The following YTHDC1 variants were observed in gnomAD, a reference collection of about 807,000 sequenced individuals.
The protein encoded by YTHDC1 is YTH domain-containing protein 1.
Under a neutral mutation model 107.0 loss-of-function variants are expected in YTHDC1, and 12 were observed. The observed-to-expected ratio is 0.11, with a 90% CI of 0.07 to 0.18. The LOEUF is 0.18. Among genes scored for constraint, YTHDC1 ranks in the 10% least tolerant of loss-of-function variants. The pLI, the probability that YTHDC1 is intolerant of heterozygous loss-of-function variation, is 1.00. For synonymous variants in YTHDC1, 280 were observed against 289.5 expected, an observed-to-expected ratio of 0.97 and a Z score of 0.33; for missense variants, 635 against 898.8, an observed-to-expected ratio of 0.71 and a Z score of 3.75.
At position 68,324,163 on chromosome 4, in the gene YTHDC1, T is replaced by A. The variant is rs575586486; in HGVS notation, c.1410A>T (p.Pro470=). ...CCTGTCCATCACGTCCGATCTTTACTGGTTTATGTTCATTCCAAGGATTGG... is the reference window on the plus strand; with the variant it reads ...CCTGTCCATCACGTCCGATCTTTACAGGTTTATGTTCATTCCAAGGATTGG... ...HLTNPWNEHK[P]VKIGRDGQEI... Residue 470 remains proline (P), a synonymous_variant, in exon 10 of 17, where the codon CCA becomes CCT. Coordinates refer to ENST00000344157, the MANE Select transcript of YTHDC1 (RefSeq NM_001031732.4). 1.2e-6 allele frequency: 2 copies of A among 1,613,938 alleles called. No individual in the cohort carries two copies. Among genetic ancestry groups the A allele is most frequent in the South Asian group, 1.1e-5 (1 of 91,058 alleles).
rs527814805 is a variant in YTHDC1, at chr4:68,313,914, G to C, written c.*185C>G. On this transcript the variant is annotated 3_prime_UTR_variant, in exon 17 of 17. Coordinates refer to ENST00000344157, the MANE Select transcript of YTHDC1 (RefSeq NM_001031732.4). ...CAACTGTCAGCTGTGGATTTTTGGCGGATTTGAGTTTTTCCAGTTCTTATG... is the reference window on the plus strand; with the variant it reads ...CAACTGTCAGCTGTGGATTTTTGGCCGATTTGAGTTTTTCCAGTTCTTATG... The C allele has an allele frequency of 1.5e-6, 1 of 648,866 alleles. No homozygotes were observed. Among genetic ancestry groups the C allele is most frequent in the African/African-American group, 1.8e-5 (1 of 54,680 alleles). The allele number at this position is 648,866 out of a possible 1,614,324, so 40.2% of individuals were successfully genotyped here. A position where few individuals can be genotyped will look rare whatever the true frequency, so the allele number is the denominator to read the frequency against.
intron 1 of YTHDC1, among the ~76,000 whole-genome samples, chr4:68,345,854 T>C (rs972353227): frequency 3.9e-5 from 6 of 151,980 alleles, no homozygotes; most frequent in African/African-American, 1.2e-4. Flanking sequence ...CCCATTGTGT[T>C]ACTACTGCCT....
At position 68,314,161 on chromosome 4, in the gene YTHDC1, C is replaced by T. The variant is rs1721557248; in HGVS notation, c.2122G>A (p.Glu708Lys). ...TCTCGATCACATAATCGCTCTCTTTCTCTTTCTCTATCACGTCCTCTATCT... is the reference window on the plus strand; with the variant it reads ...TCTCGATCACATAATCGCTCTCTTTTTCTTTCTCTATCACGTCCTCTATCT... ...ERDRGRDRER[E>K]RERLCDRDRD... Residue 708 changes from glutamate (E) to lysine (K), a missense_variant, in exon 17 of 17, where the codon GAA (glutamate) becomes AAA (lysine). Physicochemically the swap from Glu to Lys is moderately conservative, Grantham distance 56. Transcript: ENST00000344157. The T allele has an allele frequency of 6.2e-7, 1 of 1,613,846 alleles. No individual in the cohort carries two copies. Among genetic ancestry groups the T allele is most frequent in the Non-Finnish European group, 8.5e-7 (1 of 1,179,892 alleles).
At chr4:68,339,361 C>A (rs939697081) in intron 1 of YTHDC1, among the ~76,000 whole-genome samples, 1 of 152,166 alleles carries the variant, frequency 6.6e-6, no homozygotes, top group Non-Finnish European at 1.5e-5. Context: ...TATTTCATAT[C>A]AAAGCAGACC....
intron 9 of YTHDC1, among the ~76,000 whole-genome samples, chr4:68,326,072 AAC>A (rs1722961703): frequency 6.6e-6 from 1 of 152,140 alleles, no homozygotes; most frequent in Non-Finnish European, 1.5e-5. Flanking sequence ...GCCAGTTTAA[AAC>A]AGTTATAGGA....
At chr4:68,314,855 A>C (rs1434541275) in intron 16 of YTHDC1, among the ~76,000 whole-genome samples, 2 of 152,198 alleles carry the variant, frequency 1.3e-5, no homozygotes, top group African/African-American at 2.4e-5. Flanking sequence ...GGCTGCTCCT[A>C]AACTTGGCCC....
At chr4:68,332,711 AAGC>A in intron 6 of YTHDC1, 80 bp downstream of exon 6, 1 of 1,221,436 alleles carries the variant, frequency 8.2e-7, no homozygotes, top group Admixed American at 2.0e-5. Context: ...ACTACATTAA[AAGC>A]AGCTATTAAT....
At position 68,330,305 on chromosome 4, in the gene YTHDC1, T is replaced by C; in HGVS notation, c.1128A>G (p.Val376=). 1 of 1,563,612 alleles carries C rather than the reference T, an allele frequency of 6.4e-7. No individual in the cohort carries two copies. Among genetic ancestry groups the C allele is most frequent in the Non-Finnish European group, 8.7e-7 (1 of 1,153,782 alleles). The part of the protein sequence containing the change: ...ENVSLAKAKG[V]WSTLPVNEKK... Reference sequence around the variant, plus strand: ...TCTCATTTACAGGGAGCGTGGACCATACACCCTACATAAATAACATAAAGA... The same window carrying C: ...TCTCATTTACAGGGAGCGTGGACCACACACCCTACATAAATAACATAAAGA... The change falls in exon 8 of 17, where the codon GTA becomes GTG. Residue 376 remains valine, a synonymous_variant. Coordinates refer to ENST00000344157, the MANE Select transcript of YTHDC1 (RefSeq NM_001031732.4).
chr4:68,341,933 G>T (rs1437342563), intron 1 of YTHDC1, among the ~76,000 whole-genome samples: 1 of 152,122 alleles, frequency 6.6e-6, no homozygotes, highest in Admixed American at 6.5e-5. Context: ...TTTTCAACCT[G>T]TAAGAAGACT....
chr4:68,329,591 A>T (rs1440949967), intron 9 of YTHDC1, among the ~76,000 whole-genome samples: 1 of 152,138 alleles, frequency 6.6e-6, no homozygotes, highest in Non-Finnish European at 1.5e-5. Context: ...TTAAATCTTA[A>T]CTCAGTTTCA....
chr4:68,337,370 G>A lies in YTHDC1; in HGVS notation c.540C>T (p.Gly180=), dbSNP rs1227401264. The change falls in exon 4 of 17, where the codon GGC becomes GGT. Residue 180 remains glycine (G), a synonymous_variant. Transcript: ENST00000344157. ...CACTGCTGCCAGTCTCATGGTCAGA[G>A]CCATATTCTTCAGAGTTCACTTCTT... ...SKEEVNSEEY[G]SDHETGSSGS... is the part of the protein sequence containing the mutation. 6.2e-7 allele frequency: 1 copy of A among 1,614,084 alleles called. No homozygotes were observed. The highest frequency in any genetic ancestry group is 2.2e-5 in the East Asian group (1 of 44,876).
At chr4:68,349,338 G>C (rs1725813784) in intron 1 of YTHDC1, among the ~76,000 whole-genome samples, 1 of 151,262 alleles carries the variant, frequency 6.6e-6, no homozygotes, top group African/African-American at 2.4e-5. Context: ...CGCGGCATTA[G>C]GGGTTTTCAA....
At chr4:68,320,044 T>C (rs1722277514) in intron 12 of YTHDC1, 79 bp downstream of exon 12, 24 of 1,248,328 alleles carry the variant, frequency 1.9e-5, no homozygotes, top group South Asian at 1.2e-4. Flanking sequence ...AACTGCAGGA[T>C]TGTGAGGGTT....
chr4:68,349,304 A>G (rs1372824108), intron 1 of YTHDC1, among the ~76,000 whole-genome samples: 1 of 152,202 alleles, frequency 6.6e-6, no homozygotes, highest in Non-Finnish European at 1.5e-5. Flanking sequence ...AAACTTGCTC[A>G]CTTACCACAC....
rs1013416439 is a variant in YTHDC1 at position 68,311,314 on chromosome 4, T to A, written c.*2785A>T. The A allele has an allele frequency of 6.6e-6, 1 of 152,038 alleles. No individual in the cohort carries two copies. The highest frequency in any genetic ancestry group is 1.5e-5 in the Non-Finnish European group (1 of 68,014). The allele number at this position is 152,038 out of a possible 1,614,324, so 9.4% of individuals were successfully genotyped here. A position where few individuals can be genotyped will look rare whatever the true frequency, so the allele number is the denominator to read the frequency against. On this transcript the variant is annotated 3_prime_UTR_variant, in exon 17 of 17. Coordinates refer to ENST00000344157, the MANE Select transcript of YTHDC1 (RefSeq NM_001031732.4). ...GACCATGCTTGAAAAAAAGCCATTA[T>A]GGAGGAAATCATTATGGAGGAAATC...
chr4:68,336,320 C>T (rs996457161), intron 4 of YTHDC1, among the ~76,000 whole-genome samples: 2 of 151,756 alleles, frequency 1.3e-5, no homozygotes, highest in Non-Finnish European at 2.9e-5. Flanking sequence ...CTTGCTGTAC[C>T]CTCCCCCAAG....
chr4:68,320,709 T>C (rs1722357189), intron 11 of YTHDC1, among the ~76,000 whole-genome samples: 1 of 152,176 alleles, frequency 6.6e-6, no homozygotes, highest in Admixed American at 6.5e-5. Context: ...TTTCCTCTGC[T>C]TTGCACAAAT....
Position 68,337,412 on chromosome 4 carries a change from G to C in YTHDC1, c.498C>G (p.Ser166=). 1 of 1,614,146 alleles carries C rather than the reference G, an allele frequency of 6.2e-7. No individual in the cohort carries two copies. Among genetic ancestry groups the C allele is most frequent in the Non-Finnish European group, 8.5e-7 (1 of 1,180,022 alleles). ...TCACTTCTTCCTTAGAAGACTGGCTGGATCTGCTTGCACGTCTATCCACTT... is the reference window on the plus strand; with the variant it reads ...TCACTTCTTCCTTAGAAGACTGGCTCGATCTGCTTGCACGTCTATCCACTT... ...GLEVDRRASR[S]SQSSKEEVNS... is the part of the protein sequence containing the mutation. The change falls in exon 4 of 17, where the codon TCC becomes TCG. Residue 166 remains serine (S), a synonymous_variant. Transcript: ENST00000344157.
rs771142455 is a variant in YTHDC1, at chr4:68,337,709, G to A, written c.322C>T (p.Arg108Cys). 8 of 1,613,892 alleles carry A rather than the reference G, an allele frequency of 5.0e-6. No homozygotes were observed. The highest frequency in any genetic ancestry group is 1.7e-5 in the Admixed American group (1 of 59,972). The change falls in exon 3 of 17, where the codon CGT becomes TGT. Residue 108 changes from arginine (R) to cysteine (C), a missense_variant. Physicochemically the swap from Arg to Cys is radical, Grantham distance 180. Transcript: ENST00000344157. Reference protein sequence around the residue: ...EEYQRSERNKRLDADRKIRLS... With the variant: ...EEYQRSERNKCLDADRKIRLS... ...CGAATTTTCCGATCAGCATCTAGAC[G>A]CTTGTTTCTTTCAGATCTTTGATAT... is the stretch of plus-strand genomic sequence containing the variant.
Sources: allele counts gnomAD v4.1 joint callset (sites outside exome capture counted in the v4.1 genomes callset), GRCh38; gene constraint gnomAD v4.1.1; transcripts MANE v1.5; gene names NCBI Gene and HGNC (gene_info 2026-07-23, HGNC 2026-07-21).